Variants in OSBPL10 observed in about 807,000 individuals in gnomAD.
OSBPL10 encodes oxysterol binding protein like 10, also known as oxysterol-binding protein-related protein 10.
OSBPL10 carries 49 observed loss-of-function variants against 81.7 expected under a neutral mutation model. The ratio of observed to expected loss-of-function variants is 0.60; its 90% CI spans 0.48 to 0.76. The LOEUF is 0.76. Ranked by LOEUF, OSBPL10 falls within the 30% of genes least tolerant of loss-of-function variation. OSBPL10 has a pLI of 0.00. For missense variants in OSBPL10, 923 were observed against 987.8 expected (o/e 0.93, Z 0.88); for synonymous variants, 419 against 383.6 (o/e 1.09, Z -1.08).
intron 4 of OSBPL10, among the ~76,000 whole-genome samples, chr3:31,755,002 G>A (rs1697844943): frequency 6.6e-6 from 1 of 152,114 alleles, no homozygotes; most frequent in Non-Finnish European, 1.5e-5. Context: ...CTGCTTGTAT[G>A]GGCTGTGGTT....
intron 1 of OSBPL10, among the ~76,000 whole-genome samples, chr3:31,950,021 T>C (rs535023573): frequency 5.9e-5 from 9 of 152,108 alleles, no homozygotes; most frequent in Admixed American, 5.2e-4. Context: ...ATCCTACTTA[T>C]GTAGGCTTGT....
intron 2 of OSBPL10, among the ~76,000 whole-genome samples, chr3:32,026,046 A>AGATAGAT (rs1553649777): frequency 2.5e-5 from 3 of 120,498 alleles, no homozygotes; most frequent in Admixed American, 1.7e-4. Context: ...ATAGATAGAT[A>AGATAGAT]GATAGATAGA....
chr3:31,732,072 T>G (rs1009489359), intron 6 of OSBPL10, among the ~76,000 whole-genome samples: 1 of 152,186 alleles, frequency 6.6e-6, no homozygotes, highest in African/African-American at 2.4e-5. Context: ...AAATGATTAC[T>G]AAAGATCTAA....
At position 31,978,752 on chromosome 3, in the gene OSBPL10, A is replaced by G. The variant is rs544557487; in HGVS notation, c.281+2147T>C. Among the ~76,000 whole-genome samples the G allele has an allele frequency of 7.2e-5, 11 of 152,346 alleles. No homozygotes were observed. The South Asian group carries it at 2.3e-3, about 32-fold the overall frequency. ...AGTAAACAAACTCAATAAAGATGAGACATCACTTAAGCATGCTCAGGAGTG... is the reference window on the plus strand; with the variant it reads ...AGTAAACAAACTCAATAAAGATGAGGCATCACTTAAGCATGCTCAGGAGTG... On this transcript the variant is annotated intron_variant, in intron 1 of 11. Coordinates refer to ENST00000396556, the MANE Select transcript of OSBPL10 (RefSeq NM_017784.5).
At chr3:31,763,834 T>C (rs1475168435) in intron 4 of OSBPL10, among the ~76,000 whole-genome samples, 3 of 152,322 alleles carry the variant, frequency 2.0e-5, no homozygotes, top group Non-Finnish European at 2.9e-5. Flanking sequence ...TTTACATCAT[T>C]TGAGCTTTAG....
intron 6 of OSBPL10, among the ~76,000 whole-genome samples, chr3:31,705,381 C>CCCA (rs1553615903): frequency 6.4e-5 from 9 of 141,322 alleles, no homozygotes; most frequent in African/African-American, 2.4e-4. Flanking sequence ...GACCCCCCCC[C>CCCA]CCACCCCCAT....
chr3:32,012,297 TAAAGA>T (rs1201279994), intron 2 of OSBPL10, among the ~76,000 whole-genome samples: 1 of 152,124 alleles, frequency 6.6e-6, no homozygotes, highest in Non-Finnish European at 1.5e-5. Context: ...TCAACATTCT[TAAAGA>T]AAAGAATTTT....
intron 1 of OSBPL10, among the ~76,000 whole-genome samples, chr3:31,955,161 A>G (rs930271124): frequency 2.6e-5 from 4 of 152,240 alleles, no homozygotes; most frequent in Admixed American, 6.5e-5. Context: ...CTGCTCAGAC[A>G]AAAGAAAAAA....
chr3:31,978,132 A>C (rs543194041), intron 1 of OSBPL10, among the ~76,000 whole-genome samples: 33 of 152,320 alleles, frequency 2.2e-4, no homozygotes, highest in African/African-American at 7.7e-4. Flanking sequence ...TTAGTGGGTG[A>C]TTGGTATTAA....
chr3:32,021,715 T>G (rs953539092), intron 2 of OSBPL10, among the ~76,000 whole-genome samples: 1 of 152,204 alleles, frequency 6.6e-6, no homozygotes, highest in Non-Finnish European at 1.5e-5. Flanking sequence ...GGCTCACACC[T>G]GTAATTCTAG....
intron 1 of OSBPL10, among the ~76,000 whole-genome samples, chr3:31,912,166 C>A (rs1696599252): frequency 1.3e-5 from 2 of 152,024 alleles, no homozygotes; most frequent in African/African-American, 4.8e-5. Context: ...GGGGCCGAGG[C>A]AGGCAGATCA....
chr3:31,847,941 C>T (rs916617002), intron 3 of OSBPL10, among the ~76,000 whole-genome samples: 6 of 152,100 alleles, frequency 3.9e-5, no homozygotes, highest in African/African-American at 1.4e-4. Context: ...CAGGGGGATG[C>T]AGCCCACAGC....
chr3:31,946,569 G>A (rs1697708949), intron 1 of OSBPL10, among the ~76,000 whole-genome samples: 1 of 152,184 alleles, frequency 6.6e-6, no homozygotes, highest in Non-Finnish European at 1.5e-5. Context: ...CGTGTGAACA[G>A]AGCAATTGCG....
chr3:31,699,387 A>G (rs1695826411), intron 7 of OSBPL10, among the ~76,000 whole-genome samples: 1 of 152,108 alleles, frequency 6.6e-6, no homozygotes, highest in African/African-American at 2.4e-5. Context: ...CCTCCACCTC[A>G]CTGTGGTTCC....
At chr3:31,930,635 A>G (rs1473487505) in intron 1 of OSBPL10, among the ~76,000 whole-genome samples, 1 of 152,220 alleles carries the variant, frequency 6.6e-6, no homozygotes, top group Non-Finnish European at 1.5e-5. Flanking sequence ...GTCATAAGAA[A>G]AGAGTTAGGA....
At chr3:31,710,261 C>T (rs1025345480) in intron 6 of OSBPL10, among the ~76,000 whole-genome samples, 1 of 143,224 alleles carries the variant, frequency 7.0e-6, no homozygotes. Context: ...GCGTGTAAAG[C>T]ACTGAACACA....
At chr3:31,996,209 A>G (rs1699089037) in intron 2 of OSBPL10, among the ~76,000 whole-genome samples, 1 of 152,226 alleles carries the variant, frequency 6.6e-6, no homozygotes, top group Non-Finnish European at 1.5e-5. Flanking sequence ...TGGACAAAAT[A>G]TTCTAGAGAC....
intron 7 of OSBPL10, among the ~76,000 whole-genome samples, chr3:31,695,493 G>A (rs1345187300): frequency 6.6e-6 from 1 of 152,064 alleles, no homozygotes; most frequent in Non-Finnish European, 1.5e-5. Flanking sequence ...CCAGTATAGA[G>A]TCCCTGGCCC....
chr3:31,688,944 G>A (rs760220252), intron 7 of OSBPL10, among the ~76,000 whole-genome samples: 14 of 152,152 alleles, frequency 9.2e-5, no homozygotes, highest in Non-Finnish European at 1.3e-4. Flanking sequence ...GAATGTGGCT[G>A]GATGACCTCC....
Sources: gnomAD v4.1 joint callset for allele counts (sites outside exome capture counted in the v4.1 genomes callset) on GRCh38, gnomAD v4.1.1 for gene constraint, MANE v1.5 for transcripts, NCBI Gene and HGNC (gene_info 2026-07-23, HGNC 2026-07-21) for gene names.